The following KIZ variants were observed in gnomAD, a reference collection of about 807,000 sequenced individuals.
The protein encoded by KIZ is kizuna centrosomal protein, also known as centrosomal protein kizuna.
A neutral mutation model predicts 79.6 loss-of-function variants in KIZ; 68 were observed. The ratio of observed to expected loss-of-function variants is 0.85; its 90% CI spans 0.70 to 1.05. The LOEUF (loss-of-function observed/expected upper bound fraction) is 1.05. Among genes scored for constraint, KIZ ranks in the 50% least tolerant of loss-of-function variants. KIZ has a pLI of 0.00. For missense variants in KIZ, 797 were observed against 800.4 expected, an observed-to-expected ratio of 1.00 and a Z score of 0.05; for synonymous variants, 280 against 281.8, an observed-to-expected ratio of 0.99 and a Z score of 0.06.
At chr20:21,200,767 C>T (rs754050992) in intron 6 of KIZ, among the ~76,000 whole-genome samples, 11 of 152,250 alleles carry the variant, frequency 7.2e-5, no homozygotes, top group Middle Eastern at 3.4e-3. Context: ...GGCATTGGGA[C>T]CCCTGCTCTA....
intron 4 of KIZ, among the ~76,000 whole-genome samples, chr20:21,157,721 A>G (rs1388278524): frequency 6.6e-6 from 1 of 152,114 alleles, no homozygotes; most frequent in Admixed American, 6.6e-5. Context: ...ACTCAGGGGC[A>G]CTTCCTTTGG....
chr20:21,157,757 C>G (rs959359579), intron 4 of KIZ, among the ~76,000 whole-genome samples: 7 of 152,182 alleles, frequency 4.6e-5, no homozygotes, highest in Non-Finnish European at 8.8e-5. Context: ...TTTCTCATAT[C>G]TGAAATGTGC....
chr20:21,130,360 G>A (rs2031764440), intron 1 of KIZ, among the ~76,000 whole-genome samples: 1 of 152,160 alleles, frequency 6.6e-6, no homozygotes, highest in Non-Finnish European at 1.5e-5. Flanking sequence ...CTCAGGGCAT[G>A]GGGTCATAGA....
chr20:21,126,622 G>T (rs1329179302), intron 1 of KIZ, among the ~76,000 whole-genome samples: 1 of 152,090 alleles, frequency 6.6e-6, no homozygotes, highest in Non-Finnish European at 1.5e-5. Context: ...CTGCATCAAT[G>T]ATGACAAGTC....
intron 10 of KIZ, among the ~76,000 whole-genome samples, chr20:21,229,326 G>A (rs1274701357): frequency 6.6e-6 from 1 of 152,256 alleles, no homozygotes; most frequent in East Asian, 1.9e-4. Context: ...TGGCCAGCAT[G>A]GCAATGGCCC....
intron 1 of KIZ, among the ~76,000 whole-genome samples, chr20:21,128,124 T>C (rs924996874): frequency 4.6e-5 from 7 of 152,216 alleles, no homozygotes; most frequent in Admixed American, 1.3e-4. Flanking sequence ...GCGATTGTCC[T>C]GCCTCAGCCT....
At chr20:21,209,112 A>G (rs2035958312) in intron 7 of KIZ, among the ~76,000 whole-genome samples, 1 of 152,168 alleles carries the variant, frequency 6.6e-6, no homozygotes, top group African/African-American at 2.4e-5. Flanking sequence ...CATGTAAATG[A>G]TGTTTCCCTG....
intron 11 of KIZ, among the ~76,000 whole-genome samples, chr20:21,243,281 T>C (rs2037280049): frequency 1.3e-5 from 2 of 150,306 alleles, no homozygotes; most frequent in Admixed American, 1.3e-4. Flanking sequence ...GCCTAGAAAA[T>C]GATACCTTAG....
intron 4 of KIZ, among the ~76,000 whole-genome samples, chr20:21,152,854 A>G (rs977232128): frequency 6.6e-6 from 1 of 152,232 alleles, no homozygotes; most frequent in African/African-American, 2.4e-5. Flanking sequence ...TTTATCATAT[A>G]CAAGTTCTAT....
At chr20:21,232,184 T>G (rs1734170672) in intron 10 of KIZ, among the ~76,000 whole-genome samples, 1 of 152,208 alleles carries the variant, frequency 6.6e-6, no homozygotes, top group African/African-American at 2.4e-5. Flanking sequence ...TATCCAAGTC[T>G]CTGGCTCCAA....
chr20:21,136,612 T>C, intron 3 of KIZ, 60 bp downstream of exon 3: 2 of 1,003,852 alleles, frequency 2.0e-6, no homozygotes, highest in South Asian at 1.8e-5. Flanking sequence ...TTTTTTTTTT[T>C]CTTCAAGATG....
intron 9 of KIZ, among the ~76,000 whole-genome samples, chr20:21,225,536 A>C (rs947172209): frequency 6.6e-6 from 1 of 152,196 alleles, no homozygotes; most frequent in Admixed American, 6.5e-5. Context: ...AATTCTTTTC[A>C]CCTTGGAAAT....
intron 6 of KIZ, among the ~76,000 whole-genome samples, chr20:21,184,753 G>A (rs554001429): frequency 2.5e-4 from 38 of 152,190 alleles, no homozygotes; most frequent in Non-Finnish European, 3.1e-4. Flanking sequence ...AGACTTTAAT[G>A]TTTCCTGGGG....
At chr20:21,170,103 CA>C (rs1156356069) in intron 6 of KIZ, among the ~76,000 whole-genome samples, 1 of 151,972 alleles carries the variant, frequency 6.6e-6, no homozygotes, top group Non-Finnish European at 1.5e-5. Context: ...ATTGATGGAT[CA>C]TGTGTAAGTC....
chr20:21,210,725 A>G (rs941438778), intron 7 of KIZ, among the ~76,000 whole-genome samples: 1 of 150,686 alleles, frequency 6.6e-6, no homozygotes, highest in Non-Finnish European at 1.5e-5. Context: ...TGAAAATAAC[A>G]TTTCTCTGAG....
intron 6 of KIZ, among the ~76,000 whole-genome samples, chr20:21,170,876 T>A (rs2034175474): frequency 6.6e-6 from 1 of 152,208 alleles, no homozygotes; most frequent in African/African-American, 2.4e-5. Context: ...CATGCAAAGT[T>A]TGTCTTTCTG....
intron 9 of KIZ, among the ~76,000 whole-genome samples, chr20:21,224,062 C>G (rs752593395): frequency 6.6e-6 from 1 of 152,064 alleles, no homozygotes; most frequent in South Asian, 2.1e-4. Context: ...GGCGCGATCT[C>G]GGGTCACCGC....
upstream of KIZ, chr20:21,126,013 C>A (rs1326762030): frequency 1.5e-6 from 2 of 1,332,698 alleles, no homozygotes; most frequent in South Asian, 1.8e-5. Flanking sequence ...GCAGGCGGCC[C>A]GGCGCGGTGT....
intron 11 of KIZ, among the ~76,000 whole-genome samples, chr20:21,241,874 A>G (rs2037230464): frequency 6.6e-6 from 1 of 151,602 alleles, no homozygotes; most frequent in South Asian, 2.1e-4. Context: ...TTTCTGCTTC[A>G]GCTTTTCTGG....
Sources: allele counts gnomAD v4.1 joint callset (sites outside exome capture counted in the v4.1 genomes callset), GRCh38; gene constraint gnomAD v4.1.1; transcripts MANE v1.5; gene names NCBI Gene and HGNC (gene_info 2026-07-23, HGNC 2026-07-21).